KCNH5: variants seen among roughly 807,000 people sequenced by gnomAD.
KCNH5 encodes the protein voltage-gated delayed rectifier potassium channel KCNH5.
A neutral mutation model predicts 96.1 loss-of-function variants in KCNH5; 46 were observed. The ratio of observed to expected loss-of-function variants is 0.48; its 90% CI spans 0.38 to 0.61. The LOEUF (loss-of-function observed/expected upper bound fraction) is 0.61, where lower values mean the gene tolerates loss of function less well. Ranked by LOEUF, KCNH5 falls within the 20% of genes least tolerant of loss-of-function variation. The pLI, the probability that KCNH5 is intolerant of heterozygous loss-of-function variation, is 0.00. For synonymous variants in KCNH5, 439 were observed against 449.8 expected (o/e 0.98, Z 0.30); for missense variants, 907 against 1,225.8 (o/e 0.74, Z 3.88).
At chr14:62,747,879 T>C (rs1885411722) in intron 10 of KCNH5, among the ~76,000 whole-genome samples, 1 of 152,192 alleles carries the variant, frequency 6.6e-6, no homozygotes, top group Admixed American at 6.5e-5. Flanking sequence ...CTGTTTTGTG[T>C]TAATAGGAGA....
chr14:62,970,493 C>T (rs2139556512), intron 6 of KCNH5, among the ~76,000 whole-genome samples: 1 of 152,250 alleles, frequency 6.6e-6, no homozygotes, highest in African/African-American at 2.4e-5. Context: ...TTTATGAGAC[C>T]AGCATTACCC....
chr14:63,031,731 AT>A (rs1891630400), intron 1 of KCNH5, among the ~76,000 whole-genome samples: 2 of 152,172 alleles, frequency 1.3e-5, no homozygotes, highest in East Asian at 3.8e-4. Flanking sequence ...TATGTTGAAA[AT>A]TTGCTAAGAG....
intron 6 of KCNH5, among the ~76,000 whole-genome samples, chr14:62,951,894 C>T (rs756452208): frequency 2.2e-5 from 3 of 135,102 alleles, no homozygotes; most frequent in Non-Finnish European, 3.0e-5. Flanking sequence ...ACCTGGGAGA[C>T]GGAGGGTGCA....
chr14:62,878,464 T>C (rs1048233714), intron 7 of KCNH5, among the ~76,000 whole-genome samples: 17 of 152,126 alleles, frequency 1.1e-4, no homozygotes, highest in African/African-American at 4.1e-4. Context: ...AAATTGATAA[T>C]TGGACTTCTT....
rs1307695229 is a variant in KCNH5 at position 62,700,451 on chromosome 14, T to A, written c.*7057A>T. ...GCAGTCAACCCTAAGGAGATGAAAG[T>A]GAACACTACACTTATTCCCTCTCTG... On this transcript the variant is annotated 3_prime_UTR_variant, in exon 11 of 11. Transcript: ENST00000322893. 6.6e-6 allele frequency: 1 copy of A among 152,140 alleles called. No homozygotes were observed. The highest frequency in any genetic ancestry group is 1.5e-5 in the Non-Finnish European group (1 of 67,998). 9.4% of individuals were successfully genotyped at this position (152,140 alleles called of 1,614,324 possible).
rs1889359376 is a variant in KCNH5 at position 62,920,483 on chromosome 14, C to T, written c.1369+29650G>A. Among the ~76,000 whole-genome samples, 4 of 152,126 alleles carry T rather than the reference C, an allele frequency of 2.6e-5. No individual in the cohort carries two copies. In the South Asian group the frequency reaches 8.3e-4, roughly 32 times the overall value. On this transcript the variant is annotated intron_variant, in intron 7 of 10. Transcript: ENST00000322893. The stretch of plus-strand genomic sequence containing the variant: ...TAAGTGCTAGGCTTATAATGGGGTA[C>T]AAAACCCTCACATAACCTCCAGTGT...
chr14:62,822,849 A>G (rs1566672275), intron 8 of KCNH5, among the ~76,000 whole-genome samples: 1 of 152,092 alleles, frequency 6.6e-6, no homozygotes, highest in African/African-American at 2.4e-5. Context: ...TTAATCCTTT[A>G]AAAAACCATA....
intron 8 of KCNH5, among the ~76,000 whole-genome samples, chr14:62,840,756 G>A (rs1956019): frequency 6.6e-6 from 1 of 151,080 alleles, no homozygotes; most frequent in Non-Finnish European, 1.5e-5. Flanking sequence ...TTTTAGTAGA[G>A]ACAGGGTTTC....
rs544157405 is a variant in KCNH5 at position 62,807,110 on chromosome 14, C to G, written c.1570-4529G>C. On this transcript the variant is annotated intron_variant, in intron 8 of 10. Transcript: ENST00000322893. ...CACTGCACAGGCAATGCTTTTCTCT[C>G]TCTCCTTTCCCTTTCTTATCATTTC... Among the ~76,000 whole-genome samples, 4 of 152,280 alleles carry G rather than the reference C, an allele frequency of 2.6e-5. No homozygotes were observed. In the East Asian group the frequency reaches 7.7e-4, roughly 29 times the overall value.
intron 4 of KCNH5, among the ~76,000 whole-genome samples, chr14:62,989,017 CTACACACACACACA>C (rs149614991): frequency 0.019 from 2,846 of 151,742 alleles, 46 homozygotes; most frequent in Middle Eastern, 0.041. Context: ...TCACTATTAC[CTACACACACACACA>C]TACACACACA....
chr14:62,912,757 TA>T (rs1353548847), intron 7 of KCNH5, among the ~76,000 whole-genome samples: 1 of 152,180 alleles, frequency 6.6e-6, no homozygotes, highest in Non-Finnish European at 1.5e-5. Flanking sequence ...CACACACAAA[TA>T]TGACATAGTT....
intron 7 of KCNH5, among the ~76,000 whole-genome samples, chr14:62,944,725 C>T (rs1595694619): frequency 6.6e-6 from 1 of 152,100 alleles, no homozygotes; most frequent in African/African-American, 2.4e-5. Context: ...ATCTAGACAG[C>T]TTTTTATAAT....
chr14:62,785,210 A>C (rs575266806), intron 9 of KCNH5, among the ~76,000 whole-genome samples: 1 of 151,922 alleles, frequency 6.6e-6, no homozygotes, highest in South Asian at 2.1e-4. Context: ...TCTTTTAAAA[A>C]AATTAATTAA....
At chr14:62,756,382 A>C (rs1885624928) in intron 10 of KCNH5, among the ~76,000 whole-genome samples, 1 of 152,162 alleles carries the variant, frequency 6.6e-6, no homozygotes, top group Non-Finnish European at 1.5e-5. Context: ...ACTGAAAGCC[A>C]TCTATGGATT....
chr14:62,917,911 C>G (rs1214956090), intron 7 of KCNH5, among the ~76,000 whole-genome samples: 1 of 152,094 alleles, frequency 6.6e-6, no homozygotes, highest in Non-Finnish European at 1.5e-5. Context: ...AATTCAGTTC[C>G]TAATCTTTCT....
chr14:62,729,231 T>A (rs904304303), intron 10 of KCNH5, among the ~76,000 whole-genome samples: 2 of 152,170 alleles, frequency 1.3e-5, no homozygotes, highest in Non-Finnish European at 2.9e-5. Flanking sequence ...AAATAACAGC[T>A]ATAGCTTGAT....
At chr14:62,891,813 T>C (rs1008911240) in intron 7 of KCNH5, among the ~76,000 whole-genome samples, 2 of 152,214 alleles carry the variant, frequency 1.3e-5, no homozygotes, top group Non-Finnish European at 2.9e-5. Flanking sequence ...TGATCTATGA[T>C]TGGTAATCTT....
At chr14:62,802,289 T>C (rs1339652738) in intron 9 of KCNH5, 40 bp downstream of exon 9, 4 of 1,590,170 alleles carry the variant, frequency 2.5e-6, no homozygotes, top group Non-Finnish European at 2.6e-6. Flanking sequence ...CTAAAACTGT[T>C]ACTACGCATT....
chr14:62,843,652 C>T (rs529545831), intron 8 of KCNH5, among the ~76,000 whole-genome samples: 6 of 152,072 alleles, frequency 3.9e-5, no homozygotes, highest in Non-Finnish European at 5.9e-5. Context: ...CCTCGTGATC[C>T]GCCTGCCTCA....
Sources: gnomAD v4.1 joint callset for allele counts (sites outside exome capture counted in the v4.1 genomes callset) on GRCh38, gnomAD v4.1.1 for gene constraint, MANE v1.5 for transcripts, NCBI Gene and HGNC (gene_info 2026-07-23, HGNC 2026-07-21) for gene names.